Variants in METTL21C observed in about 807,000 individuals in gnomAD.
METTL21C encodes the protein methyltransferase 21C, AARS1 lysine, also known as protein-lysine methyltransferase METTL21C.
Under a neutral mutation model 25.9 loss-of-function variants are expected in METTL21C, and 21 were observed. The observed-to-expected ratio is 0.81, with a 90% CI of 0.58 to 1.17. The LOEUF (loss-of-function observed/expected upper bound fraction) is 1.17. METTL21C is among the 50% of genes most tolerant of loss of function. METTL21C has a pLI of 0.00. For synonymous variants in METTL21C, 125 were observed against 124.7 expected, an observed-to-expected ratio of 1.00 and a Z score of -0.01; for missense variants, 312 against 315.1, an observed-to-expected ratio of 0.99 and a Z score of 0.07.
At chr13:102,701,044 A>T in the METTL21C span, among the ~76,000 whole-genome samples, 1 of 151,994 alleles carries the variant, frequency 6.6e-6, no homozygotes, top group Non-Finnish European at 1.5e-5. Flanking sequence ...ATTAGGAAAG[A>T]ATGTGTTTAC....
upstream of METTL21C, among the ~76,000 whole-genome samples, chr13:102,696,832 G>A (rs1566392005): frequency 6.6e-6 from 1 of 152,134 alleles, no homozygotes; most frequent in Non-Finnish European, 1.5e-5. Context: ...AGTAGGTGTT[G>A]TAATTGCTGA....
In METTL21C at chr13:102,691,044, TGG is replaced by T. The variant is rs1885818081; in HGVS notation, c.131-82_131-81del. The T allele has an allele frequency of 1.9e-5, 28 of 1,478,512 alleles. 1 individual carries two copies. The highest frequency in any genetic ancestry group is 2.5e-5 in the Non-Finnish European group (27 of 1,077,262). 91.6% of individuals were successfully genotyped at this position (1,478,512 alleles called of 1,614,324 possible). ...GACACACTTGGTATAATTGCTAAGA[TGG>T]CATTAGATTGAATGACCTTTACATA... On this transcript the variant is annotated intron_variant, in intron 1 of 3. Coordinates refer to ENST00000267273, the MANE Select transcript of METTL21C (RefSeq NM_001010977.3).
At chr13:102,696,797 T>C (rs1384213341), upstream of METTL21C, among the ~76,000 whole-genome samples, 1 of 152,174 alleles carries the variant, frequency 6.6e-6, no homozygotes, top group Non-Finnish European at 1.5e-5. Context: ...AATTGTTCTC[T>C]GACATATGGT....
intron 1 of METTL21C, among the ~76,000 whole-genome samples, chr13:102,693,486 G>A (rs111865369): frequency 1.3e-5 from 2 of 152,212 alleles, no homozygotes; most frequent in African/African-American, 2.4e-5. Flanking sequence ...CCTTCCAAAT[G>A]TCACCATCTG....
the METTL21C span, among the ~76,000 whole-genome samples, chr13:102,701,902 A>G: frequency 6.6e-6 from 1 of 152,178 alleles, no homozygotes; most frequent in Non-Finnish European, 1.5e-5. Flanking sequence ...CCAGTGGCTC[A>G]TGCTATGATT....
chr13:102,703,316 C>T, the METTL21C span, among the ~76,000 whole-genome samples: 2 of 152,224 alleles, frequency 1.3e-5, no homozygotes, highest in Non-Finnish European at 2.9e-5. Flanking sequence ...CCTGAGGGTT[C>T]TAGGTGCCCC....
At chr13:102,703,632 G>A in the METTL21C span, among the ~76,000 whole-genome samples, 1 of 152,236 alleles carries the variant, frequency 6.6e-6, no homozygotes. Context: ...ATGTTATTCA[G>A]GATCATCAGG....
intron 1 of METTL21C, among the ~76,000 whole-genome samples, chr13:102,692,302 C>T (rs1204455382): frequency 3.3e-5 from 5 of 152,228 alleles, no homozygotes; most frequent in South Asian, 2.1e-4. Flanking sequence ...GGGGGCAGGG[C>T]CTCCGGGTGT....
chr13:102,700,320 A>C, the METTL21C span, among the ~76,000 whole-genome samples: 2 of 152,258 alleles, frequency 1.3e-5, no homozygotes, highest in East Asian at 3.9e-4. Flanking sequence ...GCCTTGATAG[A>C]CTTATATGCA....
chr13:102,693,814 A>G (rs1885885545), intron 1 of METTL21C, among the ~76,000 whole-genome samples: 1 of 152,250 alleles, frequency 6.6e-6, no homozygotes, highest in Non-Finnish European at 1.5e-5. Flanking sequence ...AATAGACAAC[A>G]TTCTCATTTA....
chr13:102,698,746 G>A (rs549798025), upstream of METTL21C, among the ~76,000 whole-genome samples: 2 of 152,084 alleles, frequency 1.3e-5, no homozygotes, highest in East Asian at 3.9e-4. Context: ...TCCTCACTAG[G>A]AGCCCTGCAA....
chr13:102,687,150 A>T (rs1566387546), intron 2 of METTL21C, 93 bp from the exon 3 acceptor site: 1 of 858,558 alleles, frequency 1.2e-6, no homozygotes, highest in Non-Finnish European at 2.0e-6. Context: ...ACTAAAAGAC[A>T]TGTTATTACA....
In METTL21C at chr13:102,685,873, A is replaced by G. The variant is rs938701177; in HGVS notation, c.*158T>C. ...CAGATAATCTTAAATTATCTTAGAA[A>G]TTAGAAAGTTTCTGCAGTATTGTTA... On this transcript the variant is annotated 3_prime_UTR_variant, in exon 4 of 4. Transcript: ENST00000267273. 6 of 602,878 alleles carry G rather than the reference A, an allele frequency of 1.0e-5. No homozygotes were observed. The highest frequency in any genetic ancestry group is 1.6e-5 in the Non-Finnish European group (6 of 374,426). 37.3% of individuals were successfully genotyped at this position (602,878 alleles called of 1,614,324 possible).
At chr13:102,691,428 C>A (rs1026720469) in intron 1 of METTL21C, among the ~76,000 whole-genome samples, 2 of 152,056 alleles carry the variant, frequency 1.3e-5, no homozygotes, top group Non-Finnish European at 2.9e-5. Flanking sequence ...CAGCTCACCG[C>A]AACCTCTGCT....
Position 102,692,460 on chromosome 13 carries a change from T to G in METTL21C, c.131-1496A>C, listed in dbSNP as rs577855026. Among the ~76,000 whole-genome samples the G allele has an allele frequency of 2.6e-5, 4 of 152,310 alleles. No individual in the cohort carries two copies. The East Asian group carries it at 7.7e-4, about 29-fold the overall frequency. On this transcript the variant is annotated intron_variant, in intron 1 of 3. Transcript: ENST00000267273. ...TTTGACGATGCCTGTTGAATCTAAC[T>G]ACAAACAAAACCCGGAGCTTGTATT...
At chr13:102,700,995 C>G in the METTL21C span, among the ~76,000 whole-genome samples, 1 of 151,858 alleles carries the variant, frequency 6.6e-6, no homozygotes, top group East Asian at 1.9e-4. Flanking sequence ...CAGCAGTTGA[C>G]CACTGTTCAG....
chr13:102,690,901 C>A lies in METTL21C; in HGVS notation c.194G>T (p.Ser65Ile). 6.2e-7 allele frequency: 1 copy of A among 1,614,060 alleles called. No individual in the cohort carries two copies. The highest frequency in any genetic ancestry group is 8.5e-7 in the Non-Finnish European group (1 of 1,179,992). ...LQKFVPTDYA[S>I]YTQEHYRFAG... The stretch of plus-strand genomic sequence containing the variant: ...AAACCGATAATGCTCCTGAGTGTAG[C>A]TGGCGTAATCTGTAGGAACAAATTT... The change falls in exon 2 of 4, where the codon AGC (serine) becomes ATC (isoleucine). Residue 65 changes from serine to isoleucine, a missense_variant. Physicochemically the swap from Ser to Ile is moderately radical, Grantham distance 142. Coordinates refer to ENST00000267273, the MANE Select transcript of METTL21C (RefSeq NM_001010977.3).
chr13:102,692,615 A>G (rs1426155574), intron 1 of METTL21C, among the ~76,000 whole-genome samples: 1 of 152,192 alleles, frequency 6.6e-6, no homozygotes, highest in African/African-American at 2.4e-5. Context: ...AATTAGCATC[A>G]TGGGTGCCTT....
intron 2 of METTL21C, among the ~76,000 whole-genome samples, chr13:102,689,225 G>A (rs746796436): frequency 3.2e-4 from 48 of 152,088 alleles, no homozygotes; most frequent in Admixed American, 1.5e-3. Flanking sequence ...CCACATGCCC[G>A]GCCTCTGATC....
Sources: gnomAD v4.1 joint callset for allele counts (sites outside exome capture counted in the v4.1 genomes callset) on GRCh38, gnomAD v4.1.1 for gene constraint, MANE v1.5 for transcripts, NCBI Gene and HGNC (gene_info 2026-07-23, HGNC 2026-07-21) for gene names.